Variants in TSHZ3 observed in about 807,000 individuals in gnomAD.
The protein encoded by TSHZ3 is teashirt homolog 3.
In TSHZ3, 10 loss-of-function variants were observed where a neutral mutation model predicts 64.5. That is an observed-to-expected ratio of 0.16 (90% CI 0.10 to 0.26). TSHZ3 has a LOEUF of 0.26. Among genes scored for constraint, TSHZ3 ranks in the 10% least tolerant of loss-of-function variants. The probability of loss-of-function intolerance (pLI) is 1.00; values close to 1 mark genes in which losing one functional copy is unlikely to be tolerated. For synonymous variants in TSHZ3, 608 were observed against 593.1 expected (o/e 1.03, Z -0.36); for missense variants, 1,242 against 1,421.7 (o/e 0.87, Z 2.03).
intron 1 of TSHZ3, among the ~76,000 whole-genome samples, chr19:31,324,905 G>C (rs1466875352): frequency 6.6e-6 from 1 of 152,124 alleles, no homozygotes; most frequent in East Asian, 1.9e-4. Context: ...CCAAGGAACA[G>C]TTAGAAAAAT....
At chr19:31,289,645 C>T (rs1976528588) in intron 1 of TSHZ3, among the ~76,000 whole-genome samples, 1 of 152,128 alleles carries the variant, frequency 6.6e-6, no homozygotes, top group African/African-American at 2.4e-5. Context: ...GCCCCACTCC[C>T]AGGGGTGGGG....
At chr19:31,228,524 T>TAAGAAAA (rs370780988) in intron 3 of TSHZ3, among the ~76,000 whole-genome samples, 3 of 131,100 alleles carry the variant, frequency 2.3e-5, no homozygotes, top group Non-Finnish European at 4.8e-5. Flanking sequence ...AAACCCTGTC[T>TAAGAAAA]AAAAAAAAAA....
At chr19:31,207,477 T>C (rs1238216747) in intron 4 of TSHZ3, 2 of 152,260 alleles carry the variant, frequency 1.3e-5, no homozygotes, top group East Asian at 1.9e-4. Flanking sequence ...GAGAAGCAAC[T>C]TTTTTTCTCT....
Position 31,160,415 on chromosome 19 carries a change from A to T in TSHZ3, n.810-3998T>A, listed in dbSNP as rs750498. Among the ~76,000 whole-genome samples, 7 of 152,214 alleles carry T rather than the reference A, an allele frequency of 4.6e-5. No homozygotes were observed. In the East Asian group the frequency reaches 1.2e-3, roughly 25 times the overall value. On this transcript the variant is annotated intron_variant and non_coding_transcript_variant, in intron 5 of 6. Transcript: ENST00000651361. ...ACACCTCTTCTTTGTGCAGCTCTTC[A>T]GAGTGACAACCCTGGTATCTAACTC...
intron 5 of TSHZ3, among the ~76,000 whole-genome samples, chr19:31,160,721 C>CATACACACACGT (rs1974364790): frequency 6.6e-6 from 1 of 151,968 alleles, no homozygotes; most frequent in South Asian, 2.1e-4. Context: ...CGTATATACA[C>CATACACACACGT]ATACACACAC....
chr19:31,254,102 A>G (rs1200317946), intron 1 of TSHZ3, among the ~76,000 whole-genome samples: 3 of 152,154 alleles, frequency 2.0e-5, no homozygotes, highest in Non-Finnish European at 4.4e-5. Flanking sequence ...GTACCTTGCC[A>G]GGCAGGTCCT....
At chr19:31,152,104 C>A (rs1186767891) in intron 6 of TSHZ3, among the ~76,000 whole-genome samples, 1 of 151,468 alleles carries the variant, frequency 6.6e-6, no homozygotes, top group African/African-American at 2.4e-5. Context: ...CTAGACAGTT[C>A]TACAGATGAA....
intron 5 of TSHZ3, among the ~76,000 whole-genome samples, chr19:31,172,115 AC>A (rs1346277623): frequency 6.6e-6 from 1 of 152,060 alleles, no homozygotes; most frequent in Non-Finnish European, 1.5e-5. Flanking sequence ...CCCATGTCCC[AC>A]CCTCAGCTAC....
intron 5 of TSHZ3, among the ~76,000 whole-genome samples, chr19:31,192,304 A>G (rs535324765): frequency 1.7e-4 from 26 of 152,356 alleles, no homozygotes; most frequent in South Asian, 8.3e-4. Context: ...GGGGGTTTCA[A>G]CCACATGCCT....
chr19:31,159,764 C>T (rs1335304347), intron 5 of TSHZ3, among the ~76,000 whole-genome samples: 4 of 152,014 alleles, frequency 2.6e-5, no homozygotes, highest in Non-Finnish European at 5.9e-5. Flanking sequence ...ACAATCATGG[C>T]TCACTGCAGC....
rs541872353 is a variant in TSHZ3, at chr19:31,240,974, T to G, written n.550+1295A>C. ...AAATATTATACTTGTTTTAAAGTCT[T>G]TGCTAGCTCCATCATAGGAGTCATC... On this transcript the variant is annotated intron_variant and non_coding_transcript_variant, in intron 3 of 6. Transcript: ENST00000651361. Among the ~76,000 whole-genome samples the G allele has an allele frequency of 7.2e-5, 11 of 152,232 alleles. No individual in the cohort carries two copies. In the South Asian group the frequency reaches 2.1e-3, roughly 29 times the overall value.
At chr19:31,330,713 G>GT (rs1273521745) in intron 1 of TSHZ3, among the ~76,000 whole-genome samples, 2 of 151,762 alleles carry the variant, frequency 1.3e-5, no homozygotes, top group Non-Finnish European at 2.9e-5. Flanking sequence ...CTTGGGCGGG[G>GT]GGAGGAAAGT....
At chr19:31,191,701 TA>T (rs1186390549) in intron 5 of TSHZ3, among the ~76,000 whole-genome samples, 4 of 151,684 alleles carry the variant, frequency 2.6e-5, no homozygotes, top group South Asian at 4.2e-4. Flanking sequence ...TAGAAAAAGT[TA>T]AAAAAAATTA....
chr19:31,239,337 A>G (rs946977164), intron 3 of TSHZ3, among the ~76,000 whole-genome samples: 4 of 152,136 alleles, frequency 2.6e-5, no homozygotes, highest in African/African-American at 9.7e-5. Flanking sequence ...GGAGGCTTTT[A>G]TATTTACAGA....
At chr19:31,189,383 T>A (rs1974866092) in intron 5 of TSHZ3, among the ~76,000 whole-genome samples, 1 of 151,972 alleles carries the variant, frequency 6.6e-6, no homozygotes, top group African/African-American at 2.4e-5. Context: ...GGCAATACAT[T>A]TTCCTCTAAG....
At chr19:31,217,709 C>A (rs976287472) in intron 4 of TSHZ3, among the ~76,000 whole-genome samples, 1 of 152,114 alleles carries the variant, frequency 6.6e-6, no homozygotes, top group East Asian at 1.9e-4. Context: ...GTGCATTCTA[C>A]GAGTTTAGAT....
At chr19:31,293,946 G>A (rs1020364626) in intron 1 of TSHZ3, among the ~76,000 whole-genome samples, 6 of 152,194 alleles carry the variant, frequency 3.9e-5, no homozygotes, top group Admixed American at 3.9e-4. Context: ...CTCGAATGCT[G>A]GGCTGAGAAG....
chr19:31,261,257 A>C (rs961771784), intron 1 of TSHZ3, among the ~76,000 whole-genome samples: 1 of 152,178 alleles, frequency 6.6e-6, no homozygotes, highest in African/African-American at 2.4e-5. Flanking sequence ...CTGCTCTGAT[A>C]TTCAAAGGAG....
At chr19:31,336,638 G>A (rs555976216) in intron 1 of TSHZ3, among the ~76,000 whole-genome samples, 1 of 152,252 alleles carries the variant, frequency 6.6e-6, no homozygotes, top group South Asian at 2.1e-4. Context: ...TGGTCAGCAG[G>A]GTCTCACTCC....
Sources: gnomAD v4.1 joint callset for allele counts (sites outside exome capture counted in the v4.1 genomes callset) on GRCh38, gnomAD v4.1.1 for gene constraint, MANE v1.5 for transcripts, NCBI Gene and HGNC (gene_info 2026-07-23, HGNC 2026-07-21) for gene names.